Variants in TLK1 observed in about 807,000 individuals in gnomAD.
TLK1 encodes the protein serine/threonine-protein kinase tousled-like 1.
In TLK1, 24 loss-of-function variants were observed where a neutral mutation model predicts 105.3. The ratio of observed to expected loss-of-function variants is 0.23; its 90% CI spans 0.17 to 0.32. The LOEUF (loss-of-function observed/expected upper bound fraction) is 0.32. TLK1 is among the 10% of genes least tolerant of loss of function. TLK1 has a pLI of 1.00. For missense variants in TLK1, 558 were observed against 910.5 expected (o/e 0.61, Z 4.98); for synonymous variants, 321 against 310.4 (o/e 1.03, Z -0.36).
chr2:171,162,132 C>G (rs1356849013), upstream of TLK1, among the ~76,000 whole-genome samples: 3 of 152,188 alleles, frequency 2.0e-5, no homozygotes, highest in Non-Finnish European at 4.4e-5. Context: ...TTGCCTTGTG[C>G]TTTAGATACT....
intron 1 of TLK1, among the ~76,000 whole-genome samples, chr2:171,175,230 C>CA (rs745629676): frequency 4.6e-5 from 7 of 151,120 alleles, no homozygotes; most frequent in Admixed American, 1.3e-4. Flanking sequence ...GAGATTGTTT[C>CA]AAAAAAAGTA....
intron 1 of TLK1, among the ~76,000 whole-genome samples, chr2:171,174,762 A>G (rs1041634914): frequency 2.0e-5 from 3 of 152,186 alleles, no homozygotes; most frequent in Non-Finnish European, 2.9e-5. Flanking sequence ...TGTTCACACA[A>G]TAGTCTTTTG....
At chr2:171,069,318 T>C (rs1334746896) in intron 3 of TLK1, among the ~76,000 whole-genome samples, 1 of 152,222 alleles carries the variant, frequency 6.6e-6, no homozygotes, top group Non-Finnish European at 1.5e-5. Context: ...GGACAAATTA[T>C]TTACTCTGAG....
In TLK1 at chr2:171,140,897, T is replaced by C. The variant is rs146124659; in HGVS notation, c.139+19393A>G. Among the ~76,000 whole-genome samples, 61 of 152,260 alleles carry C rather than the reference T, an allele frequency of 4.0e-4. No homozygotes were observed. In the East Asian group the frequency reaches 4.2e-3, roughly 11 times the overall value. ...GCTGAGTAGTTAACACTGAGAACTT[T>C]AGCAGAAAACCTGAAACTAAAGAGA... On this transcript the variant is annotated intron_variant, in intron 1 of 20. Coordinates refer to ENST00000431350, the MANE Select transcript of TLK1 (RefSeq NM_012290.5).
In TLK1 at chr2:171,201,039, G is replaced by A. The variant is rs540348528; in HGVS notation, c.-6+30106C>T. ...TGGGAATTCAGGTGCATGCTAACAT[G>A]CCCAGCTAAGTTTTTTGTATTTTTA... On this transcript the variant is annotated intron_variant, in intron 1 of 20. Coordinates refer to the TLK1 transcript ENST00000521943. Among the ~76,000 whole-genome samples, 219 of 152,010 alleles carry A rather than the reference G, an allele frequency of 1.4e-3. 2 individuals are homozygous for A. The highest frequency in any genetic ancestry group is 5.4e-3 in the South Asian group (26 of 4,802).
intron 10 of TLK1, 64 bp from the exon 11 acceptor site, chr2:171,046,426 A>G (rs1255777205): frequency 1.5e-5 from 22 of 1,463,016 alleles, no homozygotes; most frequent in African/African-American, 2.8e-5. Flanking sequence ...CTAAACTTGG[A>G]AAAAATGCAT....
intron 1 of TLK1, among the ~76,000 whole-genome samples, chr2:171,151,576 A>C (rs973120534): frequency 6.9e-6 from 1 of 144,050 alleles, no homozygotes. Flanking sequence ...CCAGGTTCAC[A>C]CCATTCTCCC....
chr2:171,131,789 A>C (rs1403520751), intron 1 of TLK1, among the ~76,000 whole-genome samples: 1 of 152,092 alleles, frequency 6.6e-6, no homozygotes, highest in East Asian at 1.9e-4. Context: ...AAGATAACCA[A>C]TGTCAACAAT....
chr2:171,069,154 C>T (rs1404744251), intron 3 of TLK1, among the ~76,000 whole-genome samples: 3 of 151,924 alleles, frequency 2.0e-5, no homozygotes, highest in African/African-American at 7.3e-5. Flanking sequence ...CATTTTTGTC[C>T]AAGACTTACC....
At chr2:171,027,993 A>T (rs552295623) in intron 12 of TLK1, among the ~76,000 whole-genome samples, 1 of 151,972 alleles carries the variant, frequency 6.6e-6, no homozygotes, top group East Asian at 1.9e-4. Context: ...CGAAACCCTC[A>T]CTCTACTAAA....
intron 1 of TLK1, among the ~76,000 whole-genome samples, chr2:171,223,254 C>G (rs893685483): frequency 5.9e-5 from 9 of 152,190 alleles, no homozygotes; most frequent in African/African-American, 2.2e-4. Context: ...TACTAATTTA[C>G]ATTCCCACCA....
intron 7 of TLK1, chr2:171,054,840 CAGAA>C (rs1408142057): frequency 7.1e-6 from 2 of 281,980 alleles, no homozygotes; most frequent in Non-Finnish European, 1.3e-5. Flanking sequence ...AAATTAAGTT[CAGAA>C]AGAATCAGTA....
chr2:171,141,972 C>G (rs1691593689), intron 1 of TLK1, among the ~76,000 whole-genome samples: 1 of 151,890 alleles, frequency 6.6e-6, no homozygotes, highest in Admixed American at 6.6e-5. Flanking sequence ...GTTAAAATAT[C>G]AGAGAACTAA....
intron 14 of TLK1, among the ~76,000 whole-genome samples, chr2:171,010,873 C>T (rs6433276): frequency 0.58 from 88,395 of 152,050 alleles, 27,932 homozygotes; most frequent in East Asian, 0.95. Flanking sequence ...TTAATGGTGA[C>T]TAGGTATCAA....
chr2:171,074,626 C>CAAAAAAA (rs372844435), intron 3 of TLK1, among the ~76,000 whole-genome samples: 10 of 89,938 alleles, frequency 1.1e-4, no homozygotes, highest in South Asian at 3.4e-4. Flanking sequence ...GACTCTGCCT[C>CAAAAAAA]AAAAAAAAAA....
In TLK1 at chr2:171,008,889, G is replaced by A. The variant is rs998176394; in HGVS notation, c.1417-1826C>T. Among the ~76,000 whole-genome samples the A allele has an allele frequency of 4.6e-5, 7 of 152,142 alleles. 1 individual carries two copies. The highest frequency in any genetic ancestry group is 1.2e-4 in the African/African-American group (5 of 41,420). On this transcript the variant is annotated intron_variant, in intron 14 of 20. Transcript: ENST00000431350. ...TAAAATACAACCAGGCAGTAGCAGA[G>A]GGTTGTTATGAAGGCTCATGGTAAG...
At chr2:171,091,016 A>C (rs1294864247) in intron 2 of TLK1, among the ~76,000 whole-genome samples, 1 of 152,234 alleles carries the variant, frequency 6.6e-6, no homozygotes, top group Non-Finnish European at 1.5e-5. Context: ...TCTATTAGAC[A>C]GAGTTGCTAT....
At chr2:171,175,341 A>G (rs185552077) in intron 1 of TLK1, among the ~76,000 whole-genome samples, 1 of 152,330 alleles carries the variant, frequency 6.6e-6, no homozygotes, top group Admixed American at 6.5e-5. Flanking sequence ...GTTGCATTCT[A>G]TGCTGAACAT....
intron 1 of TLK1, among the ~76,000 whole-genome samples, chr2:171,181,446 AT>A (rs978188201): frequency 6.6e-6 from 1 of 152,142 alleles, no homozygotes; most frequent in African/African-American, 2.4e-5. Flanking sequence ...ATCTCAGTCC[AT>A]TTTGTGTTGC....
Sources: allele counts gnomAD v4.1 joint callset (sites outside exome capture counted in the v4.1 genomes callset), GRCh38; gene constraint gnomAD v4.1.1; transcripts MANE v1.5; gene names NCBI Gene and HGNC (gene_info 2026-07-23, HGNC 2026-07-21).